WDR13: variants seen among roughly 807,000 people sequenced by gnomAD.
WDR13 encodes WD repeat domain 13.
A neutral mutation model predicts 28.6 loss-of-function variants in WDR13; 1 was observed. The observed-to-expected ratio is 0.03, with a 90% CI of 0.01 to 0.17. WDR13 has a LOEUF of 0.17. WDR13 is among the 10% of genes least tolerant of loss of function. The pLI is 1.00. For missense variants in WDR13, 264 were observed against 469.3 expected (o/e 0.56, Z 4.04); for synonymous variants, 201 against 185.9 (o/e 1.08, Z -0.66).
At chrX:48,600,722 G>T (rs781905946) in intron 6 of WDR13, 96 bp downstream of exon 6, 41 of 1,012,272 alleles carry the variant, frequency 4.1e-5, no homozygotes, top group South Asian at 8.6e-5. Context: ...AGCCAGGGGG[G>T]GCCTAGGACC....
At chrX:48,601,664 C>G (rs1213982823) in intron 6 of WDR13, 120 bp from the exon 7 acceptor site, 12 of 712,788 alleles carry the variant, frequency 1.7e-5, no homozygotes, top group Non-Finnish European at 2.2e-5. Flanking sequence ...CTGCCACAGC[C>G]CTATTGTGAA....
At chrX:48,598,484 G>C in intron 2 of WDR13, 1 of 1,039,685 alleles carries the variant, frequency 9.6e-7, no homozygotes, top group Non-Finnish European at 1.2e-6. Context: ...CCCCAGCACG[G>C]CAGCAGACTG....
intron 6 of WDR13, among the ~76,000 whole-genome samples, chrX:48,601,423 C>T (rs1392787695): frequency 9.8e-5 from 11 of 112,278 alleles, no homozygotes; most frequent in Non-Finnish European, 1.7e-4. Context: ...GGATCCTCCC[C>T]GCATTAGCAG....
intron 3 of WDR13, 30 bp downstream of exon 3, chrX:48,598,987 C>G: frequency 8.5e-7 from 1 of 1,178,122 alleles, no homozygotes; most frequent in Non-Finnish European, 1.1e-6. Context: ...CACCCCCGGG[C>G]ATACCCTGCC....
chrX:48,601,167 G>A (rs2062183085), intron 6 of WDR13, among the ~76,000 whole-genome samples: 1 of 112,510 alleles, frequency 8.9e-6, no homozygotes, highest in Admixed American at 9.4e-5. Flanking sequence ...CCAGGGTCAG[G>A]GTTCTGGCTC....
chrX:48,597,643 G>A (rs1316721648), intron 1 of WDR13, 29 bp downstream of exon 1: 7 of 222,750 alleles, frequency 3.1e-5, no homozygotes, highest in African/African-American at 5.9e-5. Context: ...CTATGCTCTT[G>A]GATCTGAGAA....
Position 48,600,560 on chromosome X carries a change from C to A in WDR13, c.765C>A (p.Ile255=), listed in dbSNP as rs1556994130. The change falls in exon 6 of 10, where the codon ATC becomes ATA. Residue 255 remains isoleucine (I), a synonymous_variant. Coordinates refer to ENST00000376729, the MANE Select transcript of WDR13 (RefSeq NM_001347217.2). ...ASEDGRCIRE[I]PDPDSAELLC... is the part of the protein sequence containing the mutation. Reference sequence around the variant, plus strand: ...AGGATGGTCGCTGCATCCGAGAGATCCCTGACCCCGATAGCGCTGAACTGC... The same window carrying A: ...AGGATGGTCGCTGCATCCGAGAGATACCTGACCCCGATAGCGCTGAACTGC... 1 of 1,211,872 alleles carries A rather than the reference C, an allele frequency of 8.3e-7. No individual in the cohort carries two copies. The highest frequency in any genetic ancestry group is 1.7e-5 in the African/African-American group (1 of 57,978).
chrX:48,599,577 T>C lies in WDR13; in HGVS notation c.393-10T>C, dbSNP rs2062169487. 2 of 1,211,528 alleles carry C rather than the reference T, an allele frequency of 1.7e-6. No homozygotes were observed. Among genetic ancestry groups the C allele is most frequent in the Non-Finnish European group, 1.1e-6 (1 of 895,455 alleles). On this transcript the variant is annotated splice_polypyrimidine_tract_variant and intron_variant, in intron 4 of 9. Transcript: ENST00000376729. ...CCTCCTGTCACCCCTCACTTCCTATTGGGGCCCAGGCCCCCTGGCAGCGTG... is the reference window on the plus strand; with the variant it reads ...CCTCCTGTCACCCCTCACTTCCTATCGGGGCCCAGGCCCCCTGGCAGCGTG...
intron 5 of WDR13, chrX:48,599,939 G>C: frequency 2.0e-6 from 1 of 493,924 alleles, no homozygotes; most frequent in East Asian, 3.8e-5. Flanking sequence ...GCAGCAGGCT[G>C]CCTGGGTTCC....
At position 48,608,376 on chromosome X, in the gene WDR13, A is replaced by G. The variant is rs970636733; in HGVS notation, c.*3344A>G. On this transcript the variant is annotated 3_prime_UTR_variant, in exon 10 of 10. Transcript: ENST00000376729. ...AGTGATCCTCTCACCTTGGCCTACC[A>G]AAGTGCTGGCGTTACAGGTGTGAGC... The G allele has an allele frequency of 2.7e-5, 3 of 111,413 alleles. No homozygotes were observed. Among genetic ancestry groups the G allele is most frequent in the Non-Finnish European group, 5.6e-5 (3 of 53,118 alleles). The allele number at this position is 111,413 out of a possible 1,213,427, so 9.2% of individuals were successfully genotyped here.
Position 48,598,816 on chromosome X carries a change from C to G in WDR13, c.141C>G (p.Pro47=), listed in dbSNP as rs782637878. 3.3e-6 allele frequency: 4 copies of G among 1,204,385 alleles called. No homozygotes were observed. In the Admixed American group the frequency reaches 8.9e-5, roughly 27 times the overall value. Residue 47 remains proline (P), a synonymous_variant, in exon 3 of 10, where the codon CCC becomes CCG. Transcript: ENST00000376729. Reference sequence around the variant, plus strand: ...GGGAGAATGCCAAGGCTGGGCACCCCCCAGCGCTGCGTCGGCAGTACCTGA... The same window carrying G: ...GGGAGAATGCCAAGGCTGGGCACCCGCCAGCGCTGCGTCGGCAGTACCTGA... ...LLRENAKAGH[P]PALRRQYLRL... is the part of the protein sequence containing the mutation.
In WDR13 at chrX:48,605,139, C is replaced by T. The variant is rs1412857980; in HGVS notation, c.*107C>T. The T allele has an allele frequency of 3.1e-5, 31 of 1,011,375 alleles. No homozygotes were observed. The highest frequency in any genetic ancestry group is 2.7e-4 in the Middle Eastern group (1 of 3,741). 83.3% of individuals were successfully genotyped at this position (1,011,375 alleles called of 1,213,427 possible). A position where few individuals can be genotyped will look rare whatever the true frequency, so the allele number is the denominator to read the frequency against. On this transcript the variant is annotated 3_prime_UTR_variant, in exon 10 of 10. Coordinates refer to ENST00000376729, the MANE Select transcript of WDR13 (RefSeq NM_001347217.2). The stretch of plus-strand genomic sequence containing the variant: ...GCTGAGGGCCGGCTCCCAGCTCTGC[C>T]GGGGACGGACAGGGCAGAGGGCAGC...
rs1556996027 is a variant in WDR13, at chrX:48,606,357, C to T, written c.*1325C>T. 1 of 110,658 alleles carries T rather than the reference C, an allele frequency of 9.0e-6. No homozygotes were observed. Among genetic ancestry groups the T allele is most frequent in the Non-Finnish European group, 1.9e-5 (1 of 52,861 alleles). The allele number at this position is 110,658 out of a possible 1,213,427, so 9.1% of individuals were successfully genotyped here. On this transcript the variant is annotated 3_prime_UTR_variant, in exon 10 of 10. Coordinates refer to ENST00000376729, the MANE Select transcript of WDR13 (RefSeq NM_001347217.2). Reference sequence around the variant, plus strand: ...TCCTCAGGGGGCGATATTCCCAACCCTTCTGTGCATTGTGTTGTTTATTAA... The same window carrying T: ...TCCTCAGGGGGCGATATTCCCAACCTTTCTGTGCATTGTGTTGTTTATTAA...
intron 4 of WDR13, 24 bp from the exon 5 acceptor site, chrX:48,599,563 C>T (rs2062169320): frequency 2.5e-6 from 3 of 1,210,953 alleles, no homozygotes; most frequent in Admixed American, 2.2e-5. Flanking sequence ...CTCCTGTCAC[C>T]CCTCACTTCC....
chrX:48,597,867 C>G (rs1302457146), intron 1 of WDR13, 91 bp from the exon 2 acceptor site: 1 of 1,055,877 alleles, frequency 9.5e-7, no homozygotes, highest in South Asian at 2.4e-5. Flanking sequence ...CGCGGAGGGA[C>G]TCGATGTCTA....
At chrX:48,599,487 G>T in intron 4 of WDR13, 25 bp downstream of exon 4, 1 of 1,203,845 alleles carries the variant, frequency 8.3e-7, no homozygotes, top group Non-Finnish European at 1.1e-6. Context: ...CAGCCAAGGC[G>T]GGGGGCGGGT....
rs144926601 is a variant in WDR13, at chrX:48,598,915, C to T, written c.240C>T (p.Asn80=). Residue 80 remains asparagine, a synonymous_variant, in exon 3 of 10, where the codon AAC becomes AAT. Transcript: ENST00000376729. ...CAGGCAGTGCTCGTGCCTATAGCAA[C>T]AGCATCGTCCGCAGTAGCCGCACTA... ...SEPGSARAYS[N]SIVRSSRTTL... 4 of 1,207,589 alleles carry T rather than the reference C, an allele frequency of 3.3e-6. No individual in the cohort carries two copies. Among genetic ancestry groups the T allele is most frequent in the Middle Eastern group, 2.3e-4 (1 of 4,370 alleles).
intron 6 of WDR13, among the ~76,000 whole-genome samples, chrX:48,601,204 C>T (rs1556994432): frequency 3.5e-5 from 4 of 112,824 alleles, no homozygotes; most frequent in Admixed American, 1.9e-4. Context: ...CCATCAGCTA[C>T]AGTCCTACAG....
At chrX:48,598,068 A>G in intron 2 of WDR13, 31 bp downstream of exon 2, 5 of 1,162,499 alleles carry the variant, frequency 4.3e-6, no homozygotes, top group South Asian at 3.9e-5. Flanking sequence ...CCATGGGAGC[A>G]GAACTTACTG....
Sources: gnomAD v4.1 joint callset for allele counts (sites outside exome capture counted in the v4.1 genomes callset) on GRCh38, gnomAD v4.1.1 for gene constraint, MANE v1.5 for transcripts, NCBI Gene and HGNC (gene_info 2026-07-23, HGNC 2026-07-21) for gene names.